Variants in ALG14 observed in about 807,000 individuals in gnomAD.
ALG14 encodes the protein UDP-N-acetylglucosamine transferase subunit ALG14.
In ALG14, 17 loss-of-function variants were observed where a neutral mutation model predicts 22.8. The ratio of observed to expected loss-of-function variants is 0.75; its 90% CI spans 0.51 to 1.12. The LOEUF (loss-of-function observed/expected upper bound fraction) is 1.12. ALG14 is among the 50% of genes most tolerant of loss of function. ALG14 has a pLI of 0.00. For missense variants in ALG14, 288 were observed against 271.8 expected (o/e 1.06, Z -0.42); for synonymous variants, 89 against 103.7 (o/e 0.86, Z 0.86).
intron 2 of ALG14, among the ~76,000 whole-genome samples, chr1:95,061,310 C>T (rs529057494): frequency 4.6e-5 from 7 of 152,260 alleles, no homozygotes; most frequent in Non-Finnish European, 4.4e-5. Flanking sequence ...ATCACTTTGG[C>T]TTATTTTCCA....
rs767474528 is a variant in ALG14 at position 94,976,163 on chromosome 1, T to A, written c.*6913A>T. 3.9e-5 allele frequency: 6 copies of A among 151,918 alleles called. No homozygotes were observed. Among genetic ancestry groups the A allele is most frequent in the Non-Finnish European group, 7.4e-5 (5 of 68,026 alleles). The allele number at this position is 151,918 out of a possible 1,614,324, so 9.4% of individuals were successfully genotyped here. On this transcript the variant is annotated 3_prime_UTR_variant, in exon 4 of 4. Transcript: ENST00000370205. ...AAACACTGTACATACATCATCTGAATGTTTAGTGCTCCCTACAACTCTAAC... is the reference window on the plus strand; with the variant it reads ...AAACACTGTACATACATCATCTGAAAGTTTAGTGCTCCCTACAACTCTAAC...
Position 95,006,091 on chromosome 1 carries a change from T to A in ALG14, c.420+21038A>T, listed in dbSNP as rs78648459. 4.9e-3 allele frequency among the ~76,000 whole-genome samples: 740 copies of A among 152,276 alleles called. 28 individuals are homozygous for A. In the East Asian group the frequency reaches 0.11, roughly 22 times the overall value. On this transcript the variant is annotated intron_variant, in intron 3 of 3. Coordinates refer to ENST00000370205, the MANE Select transcript of ALG14 (RefSeq NM_144988.4). The stretch of plus-strand genomic sequence containing the variant: ...TTCACCATTTTAAAAAATTACATCA[T>A]GGGCAACAAAGCTGCTCACAGGTTT...
chr1:95,051,924 C>T (rs1020478707), intron 2 of ALG14, among the ~76,000 whole-genome samples: 7 of 152,190 alleles, frequency 4.6e-5, no homozygotes, highest in Admixed American at 3.9e-4. Context: ...CAAGTTTTCA[C>T]TAACGCATTA....
rs1672371370 is a variant in ALG14, at chr1:94,975,202, A to G, written c.*7874T>C. 1 of 152,322 alleles carries G rather than the reference A, an allele frequency of 6.6e-6. No individual in the cohort carries two copies. Among genetic ancestry groups the G allele is most frequent in the Non-Finnish European group, 1.5e-5 (1 of 68,070 alleles). 9.4% of individuals were successfully genotyped at this position (152,322 alleles called of 1,614,324 possible). A position where few individuals can be genotyped will look rare whatever the true frequency, so the allele number is the denominator to read the frequency against. On this transcript the variant is annotated 3_prime_UTR_variant, in exon 4 of 4. Transcript: ENST00000370205. Reference sequence around the variant, plus strand: ...GAAACCACTAAGCTACTTTCTGTCTATGGACTTGCCTACTCTGGACATTTC... The same window carrying G: ...GAAACCACTAAGCTACTTTCTGTCTGTGGACTTGCCTACTCTGGACATTTC...
chr1:94,999,576 C>G lies in ALG14; in HGVS notation c.421-16270G>C, dbSNP rs544896867. Among the ~76,000 whole-genome samples, 8 of 152,206 alleles carry G rather than the reference C, an allele frequency of 5.3e-5. No homozygotes were observed. In the South Asian group the frequency reaches 1.5e-3, roughly 28 times the overall value. ...AGGCAAATCTCTGTGTTATCCCATT[C>G]CTTGCAATTTTAACCTGCCAGGGGA... On this transcript the variant is annotated intron_variant, in intron 3 of 3. Transcript: ENST00000370205.
intron 1 of ALG14, 134 bp downstream of exon 1, chr1:95,072,629 C>G: frequency 1.5e-6 from 2 of 1,335,414 alleles, no homozygotes; most frequent in Non-Finnish European, 2.0e-6. Context: ...CCGGTTCCGG[C>G]AAGGCAGAGA....
At chr1:94,990,059 G>A (rs1279070477) in intron 3 of ALG14, among the ~76,000 whole-genome samples, 1 of 152,200 alleles carries the variant, frequency 6.6e-6, no homozygotes, top group African/African-American at 2.4e-5. Context: ...GGTACGGAAA[G>A]GATAAGCAAA....
In ALG14 at chr1:95,027,138, C is replaced by G; in HGVS notation, c.411G>C (p.Lys137Asn). The change falls in exon 3 of 4, where the codon AAG becomes AAC. Residue 137 changes from lysine (K) to asparagine (N), a missense_variant. Physicochemically the swap from Lys to Asn is moderately conservative, Grantham distance 94. Transcript: ENST00000370205. Reference sequence around the variant, plus strand: ...TGATGGTCTTACTTACCAAATCTGGCTTCACCCTGTGAATTAGGGGAAAGG... The same window carrying G: ...TGATGGTCTTACTTACCAAATCTGGGTTCACCCTGTGAATTAGGGGAAAGG... ...WLSFPLIHRVKPDLVLCNGPG... is the reference protein window; with the variant it reads ...WLSFPLIHRVNPDLVLCNGPG... 1 of 1,614,068 alleles carries G rather than the reference C, an allele frequency of 6.2e-7. No homozygotes were observed. Among genetic ancestry groups the G allele is most frequent in the South Asian group, 1.1e-5 (1 of 91,078 alleles).
At chr1:95,064,116 C>G (rs1011885107) in intron 2 of ALG14, among the ~76,000 whole-genome samples, 4 of 151,992 alleles carry the variant, frequency 2.6e-5, no homozygotes, top group African/African-American at 9.7e-5. Flanking sequence ...GCTAGTGATT[C>G]TGCACATTGA....
At chr1:95,068,056 T>C (rs960904793) in intron 1 of ALG14, among the ~76,000 whole-genome samples, 1 of 152,190 alleles carries the variant, frequency 6.6e-6, no homozygotes, top group Admixed American at 6.5e-5. Flanking sequence ...CTATGTAGTC[T>C]ATTTATTTGT....
At chr1:94,997,160 G>A (rs1460006781) in intron 3 of ALG14, among the ~76,000 whole-genome samples, 3 of 152,164 alleles carry the variant, frequency 2.0e-5, no homozygotes, top group African/African-American at 7.2e-5. Flanking sequence ...TTCCATCCCT[G>A]CTAAAAGGGC....
intron 2 of ALG14, among the ~76,000 whole-genome samples, chr1:95,064,079 G>T (rs1247472226): frequency 6.6e-6 from 1 of 152,100 alleles, no homozygotes; most frequent in Non-Finnish European, 1.5e-5. Flanking sequence ...TTGGGTTTCG[G>T]CTTGCCTGTT....
intron 3 of ALG14, among the ~76,000 whole-genome samples, chr1:95,025,380 C>A (rs1488188707): frequency 1.3e-5 from 2 of 152,172 alleles, no homozygotes; most frequent in African/African-American, 2.4e-5. Flanking sequence ...TTACAGAGCA[C>A]AGGCAGAATA....
At chr1:95,025,400 T>C (rs926032240) in intron 3 of ALG14, among the ~76,000 whole-genome samples, 1 of 152,302 alleles carries the variant, frequency 6.6e-6, no homozygotes, top group Admixed American at 6.5e-5. Context: ...AGATTTAGCA[T>C]AATTCTTAAG....
intron 3 of ALG14, among the ~76,000 whole-genome samples, chr1:95,020,196 A>G (rs1673622584): frequency 6.6e-6 from 1 of 152,048 alleles, no homozygotes; most frequent in Admixed American, 6.6e-5. Flanking sequence ...CAGCCTGGGC[A>G]ACAGAGTGAG....
In ALG14 at chr1:95,004,252, C is replaced by T. The variant is rs189778964; in HGVS notation, c.421-20946G>A. Among the ~76,000 whole-genome samples the T allele has an allele frequency of 2.8e-3, 398 of 142,060 alleles. 2 individuals are homozygous for T. Among genetic ancestry groups the T allele is most frequent in the African/African-American group, 9.9e-3 (373 of 37,490 alleles). 93.2% of individuals were successfully genotyped at this position (142,060 alleles called of 152,430 possible). The stretch of plus-strand genomic sequence containing the variant: ...TTTTTTTTTTTTTGAGACAGCGTCT[C>T]GCTCTATCACCCAGGATGGAGTGCA... On this transcript the variant is annotated intron_variant, in intron 3 of 3. Coordinates refer to ENST00000370205, the MANE Select transcript of ALG14 (RefSeq NM_144988.4).
In ALG14 at chr1:95,064,915, T is replaced by G; in HGVS notation, c.239A>C (p.Lys80Thr). 6.2e-7 allele frequency: 1 copy of G among 1,614,054 alleles called. No homozygotes were observed. ...TCGATCTAGTTCAAAAGAATTTATT[T>G]TATTGGCACTCATTTCATCAGTGTC... is the stretch of plus-strand genomic sequence containing the variant. ...IADTDEMSAN[K>T]INSFELDRAD... Residue 80 changes from lysine to threonine, a missense_variant, in exon 2 of 4, where the codon AAA becomes ACA. Lys to Thr is a moderately conservative substitution (Grantham distance 78). Coordinates refer to ENST00000370205, the MANE Select transcript of ALG14 (RefSeq NM_144988.4).
At chr1:95,037,542 C>A (rs1407192535) in intron 2 of ALG14, among the ~76,000 whole-genome samples, 1 of 152,166 alleles carries the variant, frequency 6.6e-6, no homozygotes, top group Non-Finnish European at 1.5e-5. Flanking sequence ...GTGGAGCTGC[C>A]ACTGCAGAAG....
chr1:95,058,390 G>C (rs1274519309), intron 2 of ALG14, among the ~76,000 whole-genome samples: 1 of 150,790 alleles, frequency 6.6e-6, no homozygotes, highest in African/African-American at 2.4e-5. Flanking sequence ...GAGGAGGTGG[G>C]ATCACTTGAG....
Sources: allele counts gnomAD v4.1 joint callset (sites outside exome capture counted in the v4.1 genomes callset), GRCh38; gene constraint gnomAD v4.1.1; transcripts MANE v1.5; gene names NCBI Gene and HGNC (gene_info 2026-07-23, HGNC 2026-07-21).